The following PRDM7 variants were observed in gnomAD, a reference collection of about 807,000 sequenced individuals.
PRDM7 encodes the protein histone-lysine N-methyltransferase PRDM7.
PRDM7 carries 52 observed loss-of-function variants against 64.3 expected under a neutral mutation model. That is an observed-to-expected ratio of 0.81 (90% CI 0.65 to 1.02). PRDM7 has a LOEUF of 1.02. Ranked by LOEUF, PRDM7 falls within the 50% of genes least tolerant of loss-of-function variation. PRDM7 has a pLI of 0.00. For synonymous variants in PRDM7, 192 were observed against 210.1 expected, an observed-to-expected ratio of 0.91 and a Z score of 0.74; for missense variants, 574 against 597.1, an observed-to-expected ratio of 0.96 and a Z score of 0.40.
At position 90,057,616 on chromosome 16, in the gene PRDM7, G is replaced by A. The variant is rs1369237167; in HGVS notation, c.*673C>T. 2.6e-5 allele frequency: 23 copies of A among 870,500 alleles called. No individual in the cohort carries two copies. The highest frequency in any genetic ancestry group is 3.3e-5 in the Non-Finnish European group (22 of 667,314). 53.9% of individuals were successfully genotyped at this position (870,500 alleles called of 1,614,324 possible). On this transcript the variant is annotated 3_prime_UTR_variant, in exon 11 of 11. Coordinates refer to ENST00000449207, the MANE Select transcript of PRDM7 (RefSeq NM_001098173.2). Reference sequence around the variant, plus strand: ...GCGGGAAACAACCACACATGTTGACGTCCCCCGAACACTTACAGAACTATC... The same window carrying A: ...GCGGGAAACAACCACACATGTTGACATCCCCCGAACACTTACAGAACTATC...
At chr16:90,067,173 C>T (rs11648039) in intron 4 of PRDM7, among the ~76,000 whole-genome samples, 7,080 of 151,004 alleles carry the variant, frequency 0.047, 317 homozygotes, top group East Asian at 0.16. Context: ...TCCATGTTGG[C>T]GATGCTGGTC....
At position 90,063,728 on chromosome 16, in the gene PRDM7, C is replaced by G. The variant is rs2078478; in HGVS notation, c.392G>C (p.Arg131Thr). ...TAAATTTGGCGTTCCTGACAATTCT[C>G]TCAAACTAGATTCATTATTGAATGA... is the stretch of plus-strand genomic sequence containing the variant. Reference protein sequence around the residue: ...KASFNNESSLRELSGTPNLLN... With the variant: ...KASFNNESSLTELSGTPNLLN... The change falls in exon 6 of 11, where the codon AGA becomes ACA. Residue 131 changes from arginine to threonine, a missense_variant. By Grantham distance (71) the Arg-to-Thr change is moderately conservative (BLOSUM62 -1). Coordinates refer to ENST00000449207, the MANE Select transcript of PRDM7 (RefSeq NM_001098173.2). 1 of 1,614,000 alleles carries G rather than the reference C, an allele frequency of 6.2e-7. No homozygotes were observed. The highest frequency in any genetic ancestry group is 1.1e-5 in the South Asian group (1 of 91,076).
intron 5 of PRDM7, among the ~76,000 whole-genome samples, chr16:90,064,442 C>G (rs908460031): frequency 2.0e-5 from 3 of 152,040 alleles, no homozygotes; most frequent in Non-Finnish European, 2.9e-5. Context: ...GAAAAGGAGT[C>G]TTGCTCTGTT....
chr16:90,060,605 C>G lies in PRDM7; in HGVS notation c.969G>C (p.Arg323=). ...CCACCAGGTTCTGCTCTTCATCATCCCGGGCACAGTTCACATACCTGGGGT... is the reference window on the plus strand; with the variant it reads ...CCACCAGGTTCTGCTCTTCATCATCGCGGGCACAGTTCACATACCTGGGGT... ...ANWMRYVNCA[R]DDEEQNLVAF... is the part of the protein sequence containing the mutation. Residue 323 remains arginine (R), a synonymous_variant, in exon 10 of 11, where the codon CGG becomes CGC. Coordinates refer to ENST00000449207, the MANE Select transcript of PRDM7 (RefSeq NM_001098173.2). The G allele has an allele frequency of 5.0e-6, 8 of 1,614,122 alleles. No individual in the cohort carries two copies. Among genetic ancestry groups the G allele is most frequent in the Non-Finnish European group, 6.8e-6 (8 of 1,180,004 alleles).
intron 9 of PRDM7, 108 bp downstream of exon 9, chr16:90,061,343 GA>G (rs2037772938): frequency 8.8e-7 from 1 of 1,138,590 alleles, no homozygotes; most frequent in African/African-American, 1.6e-5. Flanking sequence ...GAGAAAAATA[GA>G]AATAGGGGAT....
chr16:90,059,348 C>G (rs1246377113), intron 10 of PRDM7, among the ~76,000 whole-genome samples: 1 of 152,154 alleles, frequency 6.6e-6, no homozygotes, highest in Non-Finnish European at 1.5e-5. Context: ...CAGTCTGAAC[C>G]CATTTTAAAT....
intron 5 of PRDM7, among the ~76,000 whole-genome samples, chr16:90,065,996 C>A (rs1246244309): frequency 6.6e-6 from 1 of 151,180 alleles, no homozygotes; most frequent in Non-Finnish European, 1.5e-5. Context: ...AGGCAGCAGG[C>A]AGGCTAAACA....
At chr16:90,073,761 C>T (rs575082833) in intron 4 of PRDM7, among the ~76,000 whole-genome samples, 1 of 151,956 alleles carries the variant, frequency 6.6e-6, no homozygotes, top group Non-Finnish European at 1.5e-5. Context: ...AGACCTAAAC[C>T]GAGGCCGGTT....
intron 5 of PRDM7, among the ~76,000 whole-genome samples, chr16:90,063,994 A>C (rs2037829137): frequency 6.6e-6 from 1 of 152,218 alleles, no homozygotes; most frequent in Admixed American, 6.5e-5. Context: ...GTTCTGTGTA[A>C]GTTAAAGGGA....
intron 1 of PRDM7, among the ~76,000 whole-genome samples, chr16:90,076,960 T>A (rs2038045550): frequency 6.6e-6 from 1 of 151,994 alleles, no homozygotes; most frequent in African/African-American, 2.4e-5. Context: ...GTATTTGGGG[T>A]GCCTTAGGGT....
rs2038024722 is a variant in PRDM7, at chr16:90,075,543, T to G, written c.70-69A>C. 6.2e-7 allele frequency: 1 copy of G among 1,611,518 alleles called. No homozygotes were observed. Among genetic ancestry groups the G allele is most frequent in the African/African-American group, 1.3e-5 (1 of 74,988 alleles). ...TCGAGCTGGTCCTTTTCCTCTACCC[T>G]GCGTGTAGGGCATAGCCTGGGGCCT... is the stretch of plus-strand genomic sequence containing the variant. On this transcript the variant is annotated intron_variant, in intron 2 of 10. Coordinates refer to ENST00000449207, the MANE Select transcript of PRDM7 (RefSeq NM_001098173.2). This position sits in a 1 kb window ranked among gnomAD's most constrained non-coding sequence, Gnocchi z 4.3.
Position 90,059,981 on chromosome 16 carries a change from A to C in PRDM7, c.1233+360T>G, listed in dbSNP as rs561438724. Among the ~76,000 whole-genome samples, 9 of 152,388 alleles carry C rather than the reference A, an allele frequency of 5.9e-5. No individual in the cohort carries two copies. The South Asian group carries it at 1.0e-3, about 18-fold the overall frequency. On this transcript the variant is annotated intron_variant, in intron 10 of 10. Transcript: ENST00000449207. ...AATTGAGATAATGAATGAATGAATA[A>C]CAACATATGCGTATCATTAAGAAAT...
Position 90,075,095 on chromosome 16 carries a change from A to G in PRDM7, c.194-72T>C. 1 of 1,501,262 alleles carries G rather than the reference A, an allele frequency of 6.7e-7. No homozygotes were observed. Among genetic ancestry groups the G allele is most frequent in the Non-Finnish European group, 9.2e-7 (1 of 1,081,346 alleles). 93.0% of individuals were successfully genotyped at this position (1,501,262 alleles called of 1,614,324 possible). ...GAGGAACAAAGGGCAGTGGCAATGG[A>G]AAGCACCACAAAGCCAGTGCTGCTC... On this transcript the variant is annotated intron_variant, in intron 3 of 10. Transcript: ENST00000449207. The surrounding 1 kb of genome is among the most constrained non-coding windows in gnomAD (Gnocchi z 4.3).
At chr16:90,062,219 G>A (rs1374590475) in intron 7 of PRDM7, 27 bp from the exon 8 acceptor site, 1 of 1,614,252 alleles carries the variant, frequency 6.2e-7, no homozygotes, top group East Asian at 2.2e-5. Flanking sequence ...CAGGGATTAG[G>A]AAAGTTGTAA....
In PRDM7 at chr16:90,057,793, T is replaced by C; in HGVS notation, c.*496A>G. ...GGTGTGCAAGTGTGTGGTGATCACGTTTGTCTTCTTGTGGCTATTGAGATA... is the reference window on the plus strand; with the variant it reads ...GGTGTGCAAGTGTGTGGTGATCACGCTTGTCTTCTTGTGGCTATTGAGATA... On this transcript the variant is annotated 3_prime_UTR_variant, in exon 11 of 11. Transcript: ENST00000449207. 1 of 1,364,616 alleles carries C rather than the reference T, an allele frequency of 7.3e-7. No individual in the cohort carries two copies. The highest frequency in any genetic ancestry group is 9.7e-7 in the Non-Finnish European group (1 of 1,027,446). The allele number at this position is 1,364,616 out of a possible 1,614,324, so 84.5% of individuals were successfully genotyped here. A position where few individuals can be genotyped will look rare whatever the true frequency, so the allele number is the denominator to read the frequency against.
At position 90,062,275 on chromosome 16, in the gene PRDM7, C is replaced by T. The variant is rs183303238; in HGVS notation, c.611-83G>A. On this transcript the variant is annotated intron_variant, in intron 7 of 10. Coordinates refer to ENST00000449207, the MANE Select transcript of PRDM7 (RefSeq NM_001098173.2). ...AGCTTCAGAAAGAGCGTGGCACTCACATTATTTAGCCCCAATCCTGTACTT... is the reference window on the plus strand; with the variant it reads ...AGCTTCAGAAAGAGCGTGGCACTCATATTATTTAGCCCCAATCCTGTACTT... 1.6e-5 allele frequency: 26 copies of T among 1,614,010 alleles called. No individual in the cohort carries two copies. The Admixed American group carries it at 3.2e-4, about 20-fold the overall frequency.
Position 90,075,607 on chromosome 16 carries a change from C to T in PRDM7, c.70-133G>A, listed in dbSNP as rs1597695657. 8.1e-6 allele frequency: 12 copies of T among 1,488,266 alleles called. No individual in the cohort carries two copies. In the East Asian group the frequency reaches 2.7e-4, roughly 34 times the overall value. 92.2% of individuals were successfully genotyped at this position (1,488,266 alleles called of 1,614,324 possible). On this transcript the variant is annotated intron_variant, in intron 2 of 10. Coordinates refer to ENST00000449207, the MANE Select transcript of PRDM7 (RefSeq NM_001098173.2). The surrounding 1 kb of genome is among the most constrained non-coding windows in gnomAD (Gnocchi z 4.3). ...TGAAACATAAAGACCTTCCCTCCTT[C>T]TCCAGATTGTGTCCTGTTTAACTGA... is the stretch of plus-strand genomic sequence containing the variant.
chr16:90,064,202 C>CA (rs1188981538), intron 5 of PRDM7, among the ~76,000 whole-genome samples: 1 of 152,162 alleles, frequency 6.6e-6, no homozygotes, highest in African/African-American at 2.4e-5. Context: ...CGGAACAGAA[C>CA]AAAGAGATGA....
intron 5 of PRDM7, among the ~76,000 whole-genome samples, chr16:90,066,564 T>C (rs1283906672): frequency 6.6e-6 from 1 of 151,196 alleles, no homozygotes; most frequent in Non-Finnish European, 1.5e-5. Flanking sequence ...AAAATGGCTA[T>C]AGTTATAGTA....
Sources: gnomAD v4.1 joint callset for allele counts (sites outside exome capture counted in the v4.1 genomes callset) on GRCh38, gnomAD v4.1.1 for gene constraint, Gnocchi (gnomAD v3.1) non-coding constraint, MANE v1.5 for transcripts, NCBI Gene and HGNC (gene_info 2026-07-23, HGNC 2026-07-21) for gene names.